Variants in PLXDC1 observed in about 807,000 individuals in gnomAD.
PLXDC1 encodes plexin domain-containing protein 1.
A neutral mutation model predicts 61.3 loss-of-function variants in PLXDC1; 39 were observed. The ratio of observed to expected loss-of-function variants is 0.64; its 90% CI spans 0.49 to 0.83. PLXDC1 has a LOEUF of 0.83. Ranked by LOEUF, PLXDC1 falls within the 40% of genes least tolerant of loss-of-function variation. The pLI is 0.00. For missense variants in PLXDC1, 596 were observed against 666.5 expected (o/e 0.89, Z 1.17); for synonymous variants, 212 against 254.5 (o/e 0.83, Z 1.59).
At chr17:39,090,163 GC>G (rs937435495) in intron 7 of PLXDC1, among the ~76,000 whole-genome samples, 1 of 152,094 alleles carries the variant, frequency 6.6e-6, no homozygotes, top group Non-Finnish European at 1.5e-5. Flanking sequence ...CCAGGACTGC[GC>G]CCCCGTGGGT....
intron 2 of PLXDC1, among the ~76,000 whole-genome samples, chr17:39,127,498 A>G (rs1300567049): frequency 6.6e-6 from 1 of 152,178 alleles, no homozygotes. Flanking sequence ...TCCCCATTAG[A>G]CAATGAAGAA....
intron 1 of PLXDC1, chr17:39,144,653 A>T (rs1279309366): frequency 6.6e-6 from 1 of 152,324 alleles, no homozygotes; most frequent in Non-Finnish European, 1.5e-5. Context: ...GTGCTCACAC[A>T]CAAGTTGGAC....
intron 2 of PLXDC1, among the ~76,000 whole-genome samples, chr17:39,120,498 C>T (rs180877366): frequency 3.9e-5 from 6 of 152,108 alleles, no homozygotes; most frequent in East Asian, 3.9e-4. Flanking sequence ...GCAGATCATA[C>T]GATACATGGC....
At chr17:39,090,334 C>T (rs796250668) in intron 7 of PLXDC1, among the ~76,000 whole-genome samples, 13 of 140,242 alleles carry the variant, frequency 9.3e-5, no homozygotes, top group African/African-American at 3.2e-4. Context: ...GCAGCATCTA[C>T]ATCCCTGAGG....
intron 8 of PLXDC1, among the ~76,000 whole-genome samples, chr17:39,087,225 A>G (rs1598189940): frequency 6.6e-6 from 1 of 152,194 alleles, no homozygotes; most frequent in African/African-American, 2.4e-5. Context: ...TACAGTGACA[A>G]ACTGAGGCCC....
intron 2 of PLXDC1, among the ~76,000 whole-genome samples, chr17:39,128,097 G>A (rs9944429): frequency 0.039 from 2,606 of 65,994 alleles, 150 homozygotes; most frequent in African/African-American, 0.13. Context: ...CTCTCTATGT[G>A]TATATATATA....
At chr17:39,077,596 A>T (rs777303357) in intron 11 of PLXDC1, among the ~76,000 whole-genome samples, 3 of 152,208 alleles carry the variant, frequency 2.0e-5, no homozygotes, top group African/African-American at 4.8e-5. Context: ...ATTAGCTGAG[A>T]TAAGGTATAT....
At chr17:39,133,817 G>A (rs1197029044) in intron 2 of PLXDC1, among the ~76,000 whole-genome samples, 2 of 152,062 alleles carry the variant, frequency 1.3e-5, no homozygotes, top group Non-Finnish European at 2.9e-5. Context: ...GTGGAGATGG[G>A]GGTGTCACTG....
chr17:39,127,115 A>T (rs1322405878), intron 2 of PLXDC1: 1 of 151,968 alleles, frequency 6.6e-6, no homozygotes, highest in African/African-American at 2.4e-5. Flanking sequence ...TCTGGGAGGG[A>T]TCTTTCTAGT....
intron 6 of PLXDC1, 27 bp from the exon 7 acceptor site, chr17:39,105,980 C>T: frequency 6.5e-7 from 1 of 1,539,048 alleles, no homozygotes. Flanking sequence ...AGACTCCGTC[C>T]ACCTCCCAAA....
At chr17:39,146,070 CTTT>C (rs71141767) in intron 1 of PLXDC1, among the ~76,000 whole-genome samples, 4 of 131,176 alleles carry the variant, frequency 3.0e-5, no homozygotes, top group Non-Finnish European at 4.8e-5. Context: ...CGGCCCATTC[CTTT>C]TTTTTTTTTT....
At chr17:39,103,074 G>A (rs993496564) in intron 7 of PLXDC1, among the ~76,000 whole-genome samples, 3 of 152,112 alleles carry the variant, frequency 2.0e-5, no homozygotes, top group Non-Finnish European at 2.9e-5. Flanking sequence ...AATTAGCCAG[G>A]CGTGGTGGCA....
At chr17:39,147,473 G>T (rs776973970) in intron 1 of PLXDC1, among the ~76,000 whole-genome samples, 1 of 152,156 alleles carries the variant, frequency 6.6e-6, no homozygotes, top group Non-Finnish European at 1.5e-5. Context: ...AGGGTCACAG[G>T]ACCAGCTTTC....
In PLXDC1 at chr17:39,063,745, G is replaced by A. The variant is rs531640528; in HGVS notation, c.*4095C>T. On this transcript the variant is annotated 3_prime_UTR_variant, in exon 14 of 14. Coordinates refer to ENST00000315392, the MANE Select transcript of PLXDC1 (RefSeq NM_020405.5). ...CCAGATCTTTGAATTCTACCATTAA[G>A]TTCAGGTAGGTTTTTGGAGACAGAG... The A allele has an allele frequency of 2.2e-6, 1 of 462,540 alleles. No homozygotes were observed. The highest frequency in any genetic ancestry group is 2.0e-5 in the African/African-American group (1 of 50,452). 28.7% of individuals were successfully genotyped at this position (462,540 alleles called of 1,614,324 possible). A position where few individuals can be genotyped will look rare whatever the true frequency, so the allele number is the denominator to read the frequency against.
At position 39,087,641 on chromosome 17, in the gene PLXDC1, G is replaced by A; in HGVS notation, c.873C>T (p.Thr291=). 2 of 1,614,070 alleles carry A rather than the reference G, an allele frequency of 1.2e-6. No homozygotes were observed. The highest frequency in any genetic ancestry group is 3.3e-5 in the Admixed American group (2 of 60,024). ...GGGTGAACTCCACGGCCGACATGCT[G>A]GTGACCTTGCTGGGGTCCAGCTCTA... The part of the protein sequence containing the change: ...HRIELDPSKV[T]SMSAVEFTPL... The change falls in exon 8 of 14, where the codon ACC becomes ACT. Residue 291 remains threonine, a synonymous_variant. Coordinates refer to ENST00000315392, the MANE Select transcript of PLXDC1 (RefSeq NM_020405.5).
chr17:39,070,999 C>G (rs1471465943), intron 12 of PLXDC1, among the ~76,000 whole-genome samples: 1 of 152,114 alleles, frequency 6.6e-6, no homozygotes, highest in Admixed American at 6.6e-5. Context: ...AACAACAAAA[C>G]TGGCAGGCCC....
upstream of PLXDC1, chr17:39,152,726 G>A (rs2045382324): frequency 8.2e-7 from 1 of 1,218,270 alleles, no homozygotes; most frequent in African/African-American, 1.6e-5. Context: ...GACAGGAGAA[G>A]GTACACTGTG....
rs1166542688 is a variant in PLXDC1, at chr17:39,067,144, G to C, written c.*696C>G. On this transcript the variant is annotated 3_prime_UTR_variant, in exon 14 of 14. Coordinates refer to ENST00000315392, the MANE Select transcript of PLXDC1 (RefSeq NM_020405.5). ...GAGACAAGGAGTTGGAGCAAGGAAA[G>C]GGACTTTATTTCGGAGAGCCAGCAA... The C allele has an allele frequency of 6.6e-6, 1 of 152,256 alleles. No individual in the cohort carries two copies. Among genetic ancestry groups the C allele is most frequent in the Non-Finnish European group, 1.5e-5 (1 of 68,076 alleles). 9.4% of individuals were successfully genotyped at this position (152,256 alleles called of 1,614,324 possible).
rs750470314 is a variant in PLXDC1 at position 39,139,785 on chromosome 17, G to A, written c.124C>T (p.Arg42Trp). The change falls in exon 2 of 14, where the codon CGG (arginine) becomes TGG (tryptophan). Residue 42 changes from arginine to tryptophan, a missense_variant. Arg to Trp is a moderately radical substitution (Grantham distance 101, BLOSUM62 -3). Coordinates refer to ENST00000315392, the MANE Select transcript of PLXDC1 (RefSeq NM_020405.5). ...GSGWAAKGTV[R>W]GWNRRARESP... ...TCTCGGGCTCTCCGGTTCCAGCCCC[G>A]CACGGTCCCTTTGGCAGCCCATCCA... The A allele has an allele frequency of 1.5e-5, 24 of 1,613,458 alleles. No individual in the cohort carries two copies. The highest frequency in any genetic ancestry group is 2.2e-5 in the East Asian group (1 of 44,880).
Sources: allele counts gnomAD v4.1 joint callset (sites outside exome capture counted in the v4.1 genomes callset), GRCh38; gene constraint gnomAD v4.1.1; transcripts MANE v1.5; gene names NCBI Gene and HGNC (gene_info 2026-07-23, HGNC 2026-07-21).